Variants in THADA observed in about 807,000 individuals in gnomAD.
The protein encoded by THADA is tRNA (32-2'-O)-methyltransferase regulator THADA.
Under a neutral mutation model 219.8 loss-of-function variants are expected in THADA, and 213 were observed. That is an observed-to-expected ratio of 0.97 (90% CI 0.87 to 1.09). The LOEUF is 1.09. Ranked by LOEUF, THADA falls within the 50% of genes least tolerant of loss-of-function variation. THADA has a pLI of 0.00. For synonymous variants in THADA, 1,018 were observed against 828.9 expected (o/e 1.23, Z -3.92); for missense variants, 2,956 against 2,311.3 (o/e 1.28, Z -5.72).
chr2:43,492,667 G>A lies in THADA; in HGVS notation c.3744+6166C>T, dbSNP rs114525666. Reference sequence around the variant, plus strand: ...CTAAATGAGATTTGGGTTCTAATTCGCCTTCCATCACTTCTTAGCCATGTG... The same window carrying A: ...CTAAATGAGATTTGGGTTCTAATTCACCTTCCATCACTTCTTAGCCATGTG... On this transcript the variant is annotated intron_variant, in intron 25 of 37. Coordinates refer to ENST00000405975, the MANE Select transcript of THADA (RefSeq NM_022065.5). Among the ~76,000 whole-genome samples the A allele has an allele frequency of 3.1e-3, 467 of 152,130 alleles. 3 individuals carry two copies. The highest frequency in any genetic ancestry group is 0.011 in the African/African-American group (445 of 41,506).
intron 22 of THADA, among the ~76,000 whole-genome samples, chr2:43,516,566 T>C (rs1399410567): frequency 1.3e-5 from 2 of 152,168 alleles, no homozygotes; most frequent in Admixed American, 6.6e-5. Flanking sequence ...TTCTAGTACA[T>C]GCAAATATTT....
rs373501338 is a variant in THADA at position 43,574,928 on chromosome 2, C to T, written c.1137G>A (p.Thr379=). The T allele has an allele frequency of 4.0e-5, 65 of 1,613,820 alleles. No individual in the cohort carries two copies. Among genetic ancestry groups the T allele is most frequent in the Non-Finnish European group, 5.3e-5 (62 of 1,179,892 alleles). ...TACTTGAATTCCCATTCAGGCTGTC[C>T]GTTAGGCTCGGGGAACTTGATTCAA... ...QVLESSSPSL[T]DSLNGNSSIV... Residue 379 remains threonine, a synonymous_variant, in exon 11 of 38, where the codon ACG becomes ACA. Transcript: ENST00000405975.
intron 10 of THADA, among the ~76,000 whole-genome samples, chr2:43,575,316 G>A (rs771671114): frequency 1.1e-4 from 16 of 152,162 alleles, no homozygotes; most frequent in Admixed American, 2.6e-4. Flanking sequence ...TGGGTGTGGT[G>A]ACACACACCT....
intron 14 of THADA, among the ~76,000 whole-genome samples, chr2:43,569,140 G>T (rs1418774113): frequency 3.3e-5 from 5 of 151,836 alleles, no homozygotes. Flanking sequence ...CCCGTCTCAG[G>T]GTTGCCTTTT....
At chr2:43,535,675 CAAAAAAA>C (rs1177702416) in intron 21 of THADA, among the ~76,000 whole-genome samples, 3 of 30,364 alleles carry the variant, frequency 9.9e-5, no homozygotes, top group East Asian at 1.5e-3. Flanking sequence ...CAGCGAGACT[CAAAAAAA>C]AAAAAAAAAA....
chr2:43,280,691 G>T (rs1247533723), intron 35 of THADA, among the ~76,000 whole-genome samples: 5 of 152,094 alleles, frequency 3.3e-5, no homozygotes, highest in Admixed American at 3.3e-4. Flanking sequence ...AGAGACCCAT[G>T]ATAAAGGCAG....
chr2:43,420,680 T>C (rs947625765), intron 28 of THADA, among the ~76,000 whole-genome samples: 1 of 152,244 alleles, frequency 6.6e-6, no homozygotes, highest in Non-Finnish European at 1.5e-5. Flanking sequence ...CTCAAAAACA[T>C]ATTTAGAAAA....
At position 43,558,953 on chromosome 2, in the gene THADA, CG is replaced by C. The variant is rs145971329; in HGVS notation, c.2463+1280del. 6.4e-3 allele frequency among the ~76,000 whole-genome samples: 981 copies of C among 152,186 alleles called. 9 individuals carry two copies. Among genetic ancestry groups the C allele is most frequent in the African/African-American group, 0.02 (850 of 41,508 alleles). On this transcript the variant is annotated intron_variant, in intron 16 of 37. Coordinates refer to ENST00000405975, the MANE Select transcript of THADA (RefSeq NM_022065.5). ...ATGGCTAGTGTCAATATACCAAGCACGGGTTTATCAAATTTAGAGATGCAGA... is the reference window on the plus strand; with the variant it reads ...ATGGCTAGTGTCAATATACCAAGCACGGTTTATCAAATTTAGAGATGCAGA...
intron 28 of THADA, among the ~76,000 whole-genome samples, chr2:43,417,730 G>A (rs995804660): frequency 6.6e-6 from 1 of 152,204 alleles, no homozygotes; most frequent in African/African-American, 2.4e-5. Context: ...AGTGTTAAGA[G>A]CTAGAATAGC....
chr2:43,241,300 GT>G lies in THADA; in HGVS notation c.5297-8419del, dbSNP rs529068420. On this transcript the variant is annotated intron_variant, in intron 36 of 37. Coordinates refer to ENST00000405975, the MANE Select transcript of THADA (RefSeq NM_022065.5). ...AGACGGGTTTTGCCACGTGGCCCAG[GT>G]TGGTCTTAAACTCCTGGGCTCAAGT... 1.1e-4 allele frequency among the ~76,000 whole-genome samples: 16 copies of G among 151,902 alleles called. No individual in the cohort carries two copies. The East Asian group carries it at 3.0e-3, about 28-fold the overall frequency.
At chr2:43,289,883 C>A (rs1572929740) in intron 34 of THADA, among the ~76,000 whole-genome samples, 1 of 151,768 alleles carries the variant, frequency 6.6e-6, no homozygotes, top group East Asian at 1.9e-4. Context: ...AAACTCCTGA[C>A]CTCAAGGTGA....
rs141920265 is a variant in THADA at position 43,482,885 on chromosome 2, T to C, written c.3836+2349A>G. Among the ~76,000 whole-genome samples, 150 of 152,304 alleles carry C rather than the reference T, an allele frequency of 9.8e-4. 1 individual carries two copies. Among genetic ancestry groups the C allele is most frequent in the African/African-American group, 3.3e-3 (136 of 41,576 alleles). On this transcript the variant is annotated intron_variant, in intron 26 of 37. Coordinates refer to ENST00000405975, the MANE Select transcript of THADA (RefSeq NM_022065.5). ...CTAATAGTTTGTTTTATCCTCACAA[T>C]AGCCCTAGGAGTAGACAGCACAGAT...
At chr2:43,573,966 C>G (rs978555871) in intron 11 of THADA, among the ~76,000 whole-genome samples, 2 of 152,242 alleles carry the variant, frequency 1.3e-5, no homozygotes, top group Admixed American at 6.5e-5. Flanking sequence ...TTAACCTTGC[C>G]TAACACAATT....
At chr2:43,567,914 C>G (rs1698869474) in intron 14 of THADA, among the ~76,000 whole-genome samples, 1 of 152,224 alleles carries the variant, frequency 6.6e-6, no homozygotes, top group South Asian at 2.1e-4. Context: ...CTTCCCATTA[C>G]TCAAGTCCTC....
At chr2:43,561,883 G>C (rs1698112577) in intron 15 of THADA, among the ~76,000 whole-genome samples, 1 of 152,172 alleles carries the variant, frequency 6.6e-6, no homozygotes, top group African/African-American at 2.4e-5. Flanking sequence ...ACCTGTGGTT[G>C]TGTTACAAAT....
chr2:43,556,629 A>T, intron 16 of THADA, 74 bp from the exon 17 acceptor site: 1 of 1,412,298 alleles, frequency 7.1e-7, no homozygotes, highest in East Asian at 2.5e-5. Flanking sequence ...AAATTTTTTA[A>T]AACACAGCCT....
rs573349064 is a variant in THADA at position 43,433,921 on chromosome 2, T to C, written c.3837-3619A>G. ...CCAGGCTGGTCTCGAACTCCTGACCTCAGGTGATTGGCCTGCCTCTGCCTC... is the reference window on the plus strand; with the variant it reads ...CCAGGCTGGTCTCGAACTCCTGACCCCAGGTGATTGGCCTGCCTCTGCCTC... On this transcript the variant is annotated intron_variant, in intron 26 of 37. Transcript: ENST00000405975. Among the ~76,000 whole-genome samples, 62 of 152,326 alleles carry C rather than the reference T, an allele frequency of 4.1e-4. No homozygotes were observed. In the South Asian group the frequency reaches 0.013, roughly 31 times the overall value.
In THADA at chr2:43,320,516, T is replaced by C. The variant is rs1678580847; in HGVS notation, c.4368A>G (p.Arg1456=). Residue 1456 remains arginine (R), a synonymous_variant, in exon 31 of 38, where the codon AGA becomes AGG. Coordinates refer to ENST00000405975, the MANE Select transcript of THADA (RefSeq NM_022065.5). ...GGAAGAGAATATCAATATATACAGC[T>C]CTGGTCACCAAACATGGATTTTGCC... The part of the protein sequence containing the change: ...AKRQNPCLVT[R]AVYIDILFLL... The C allele has an allele frequency of 6.2e-7, 1 of 1,613,014 alleles. No individual in the cohort carries two copies. Among genetic ancestry groups the C allele is most frequent in the Non-Finnish European group, 8.5e-7 (1 of 1,179,564 alleles).
At chr2:43,459,465 G>A (rs752275265) in intron 26 of THADA, among the ~76,000 whole-genome samples, 6 of 152,128 alleles carry the variant, frequency 3.9e-5, no homozygotes, top group African/African-American at 4.8e-5. Flanking sequence ...TGCTCTAGGT[G>A]TTGAAGATAA....
Sources: allele counts gnomAD v4.1 joint callset (sites outside exome capture counted in the v4.1 genomes callset), GRCh38; gene constraint gnomAD v4.1.1; transcripts MANE v1.5; gene names NCBI Gene and HGNC (gene_info 2026-07-23, HGNC 2026-07-21).